The following ZNF793 variants were observed in gnomAD, a reference collection of about 807,000 sequenced individuals.
The protein encoded by ZNF793 is zinc finger protein 793.
A neutral mutation model predicts 12.4 loss-of-function variants in ZNF793; 5 were observed. The ratio of observed to expected loss-of-function variants is 0.40; its 90% CI spans 0.21 to 0.84. ZNF793 has a LOEUF of 0.84. Among genes scored for constraint, ZNF793 ranks in the 40% least tolerant of loss-of-function variants. ZNF793 has a pLI of 0.35. For synonymous variants in ZNF793, 162 were observed against 172.4 expected (o/e 0.94, Z 0.47); for missense variants, 456 against 495.0 (o/e 0.92, Z 0.75).
chr19:37,507,612 T>C (rs1413201882), intron 1 of ZNF793, among the ~76,000 whole-genome samples: 2 of 152,110 alleles, frequency 1.3e-5, no homozygotes, highest in African/African-American at 4.8e-5. Context: ...GATCAGGGAA[T>C]GGAGAATAGA....
Position 37,523,769 on chromosome 19 carries a change from C to T in ZNF793, c.15+315C>T, listed in dbSNP as rs76680808. 6.7e-3 allele frequency among the ~76,000 whole-genome samples: 1,025 copies of T among 152,240 alleles called. 26 individuals are homozygous for T. Among genetic ancestry groups the T allele is most frequent in the East Asian group, 0.051 (261 of 5,158 alleles). On this transcript the variant is annotated intron_variant, in intron 5 of 7. Transcript: ENST00000627814. Reference sequence around the variant, plus strand: ...CAAGGAGGCTTTTATATTCTGAAATCAACTAATCATTGATTGTAGGCTGCC... The same window carrying T: ...CAAGGAGGCTTTTATATTCTGAAATTAACTAATCATTGATTGTAGGCTGCC...
intron 3 of ZNF793, among the ~76,000 whole-genome samples, chr19:37,521,072 C>T (rs900100487): frequency 3.3e-5 from 5 of 151,528 alleles, no homozygotes; most frequent in African/African-American, 9.7e-5. Flanking sequence ...ACTGCAAGCT[C>T]CACCTCCTGG....
At position 37,537,218 on chromosome 19, in the gene ZNF793, C is replaced by A. The variant is rs772926868; in HGVS notation, c.560C>A (p.Pro187His). 1.2e-6 allele frequency: 2 copies of A among 1,613,808 alleles called. No homozygotes were observed. The highest frequency in any genetic ancestry group is 1.1e-5 in the South Asian group (1 of 91,060). The change falls in exon 8 of 8, where the codon CCC (proline) becomes CAC (histidine). Residue 187 changes from proline (P) to histidine (H), a missense_variant. Physicochemically the swap from Pro to His is moderately conservative, Grantham distance 77. Transcript: ENST00000627814. ...NHGRRPNGEKPRGCSHCEKAF... is the reference protein window; with the variant it reads ...NHGRRPNGEKHRGCSHCEKAF... ...GGTAGACGACCTAATGGAGAAAAGC[C>A]CCGGGGTTGCAGTCACTGTGAGAAA... is the stretch of plus-strand genomic sequence containing the variant.
In ZNF793 at chr19:37,508,105, T is replaced by A. The variant is rs539610291; in HGVS notation, c.-414-160T>A. Among the ~76,000 whole-genome samples the A allele has an allele frequency of 2.0e-5, 3 of 152,296 alleles. No homozygotes were observed. The East Asian group carries it at 5.8e-4, about 29-fold the overall frequency. ...TCTCCACCAAGGCCCATCTGAAAAC[T>A]CTTTTTTGAACCCACACCCTTTTTA... On this transcript the variant is annotated intron_variant, in intron 1 of 7. Coordinates refer to ENST00000627814, the MANE Select transcript of ZNF793 (RefSeq NM_001013659.3).
In ZNF793 at chr19:37,537,728, A is replaced by G. The variant is rs1309102785; in HGVS notation, c.1070A>G (p.His357Arg). The G allele has an allele frequency of 1.2e-6, 2 of 1,614,008 alleles. No homozygotes were observed. The highest frequency in any genetic ancestry group is 1.7e-6 in the Non-Finnish European group (2 of 1,180,000). ...AGCCAGAAGTCATGCCTCAATAAACATTGGAGAACTCACACAGGAGAGAAG... is the reference window on the plus strand; with the variant it reads ...AGCCAGAAGTCATGCCTCAATAAACGTTGGAGAACTCACACAGGAGAGAAG... ...SFSQKSCLNK[H>R]WRTHTGEKPY... Residue 357 changes from histidine to arginine, a missense_variant, in exon 8 of 8, where the codon CAT becomes CGT. By Grantham distance (29) the His-to-Arg change is conservative. Coordinates refer to ENST00000627814, the MANE Select transcript of ZNF793 (RefSeq NM_001013659.3).
rs372339543 is a variant in ZNF793, at chr19:37,537,951, A to G, written c.*72A>G. On this transcript the variant is annotated 3_prime_UTR_variant, in exon 8 of 8. Coordinates refer to ENST00000627814, the MANE Select transcript of ZNF793 (RefSeq NM_001013659.3). ...TTTTGAGTTGGAATCTCACTTTGTC[A>G]CCCAGGCTGGAGTGCAGTGGCGCGA... is the stretch of plus-strand genomic sequence containing the variant. The G allele has an allele frequency of 0.013, 18,483 of 1,435,988 alleles. 139 individuals are homozygous for G. The highest frequency in any genetic ancestry group is 0.015 in the Non-Finnish European group (16,611 of 1,098,260). 89.0% of individuals were successfully genotyped at this position (1,435,988 alleles called of 1,614,324 possible).
chr19:37,516,610 CGGA>C, intron 2 of ZNF793, among the ~76,000 whole-genome samples: 2 of 152,120 alleles, frequency 1.3e-5, no homozygotes, highest in Admixed American at 1.3e-4. Context: ...AGAAGAGTGC[CGGA>C]CTGCAGGGCA....
intron 2 of ZNF793, among the ~76,000 whole-genome samples, chr19:37,511,744 C>G (rs1379378342): frequency 6.6e-6 from 1 of 152,164 alleles, no homozygotes; most frequent in Non-Finnish European, 1.5e-5. Flanking sequence ...CTATTATTCT[C>G]CCTGGAAGCC....
At chr19:37,527,687 C>A (rs1451543502) in intron 5 of ZNF793, among the ~76,000 whole-genome samples, 1 of 151,970 alleles carries the variant, frequency 6.6e-6, no homozygotes, top group Non-Finnish European at 1.5e-5. Flanking sequence ...TCCACAAGAC[C>A]CTCACTTCTA....
At chr19:37,510,821 C>T (rs939322635) in intron 2 of ZNF793, among the ~76,000 whole-genome samples, 4 of 151,784 alleles carry the variant, frequency 2.6e-5, no homozygotes, top group African/African-American at 9.7e-5. Flanking sequence ...CTCAGCCTCC[C>T]GAGTAGCTGG....
intron 2 of ZNF793, among the ~76,000 whole-genome samples, chr19:37,517,579 C>T (rs895339679): frequency 1.3e-5 from 2 of 151,988 alleles, no homozygotes; most frequent in Admixed American, 1.3e-4. Flanking sequence ...CCAGGCTAGT[C>T]GGGTCTGTAT....
chr19:37,526,987 G>A (rs531085666), intron 5 of ZNF793, among the ~76,000 whole-genome samples: 73 of 151,980 alleles, frequency 4.8e-4, no homozygotes, highest in African/African-American at 1.7e-3. Context: ...TCGCTCTGTC[G>A]CCCAGGCTGG....
At chr19:37,523,569 G>A in intron 5 of ZNF793, 115 bp downstream of exon 5, 2 of 972,592 alleles carry the variant, frequency 2.1e-6, no homozygotes, top group Non-Finnish European at 3.2e-6. Context: ...GGTTCTCAGG[G>A]AAGCTGACTC....
chr19:37,525,759 T>C (rs942549430), intron 5 of ZNF793, among the ~76,000 whole-genome samples: 2 of 152,200 alleles, frequency 1.3e-5, no homozygotes, highest in Admixed American at 6.6e-5. Flanking sequence ...AGAGGGCTGC[T>C]TCAAGTGTAC....
chr19:37,521,535 A>G (rs577730612), intron 3 of ZNF793, among the ~76,000 whole-genome samples: 119 of 148,226 alleles, frequency 8.0e-4, no homozygotes, highest in Middle Eastern at 3.5e-3. Context: ...TCCCAGGTTC[A>G]AGGGATCAAG....
chr19:37,525,418 G>A (rs371428423), intron 5 of ZNF793, among the ~76,000 whole-genome samples: 24 of 149,542 alleles, frequency 1.6e-4, no homozygotes, highest in Admixed American at 5.3e-4. Context: ...GATTACAGGC[G>A]TGAGCCACCG....
rs1419259137 is a variant in ZNF793, at chr19:37,542,855, G to A, written c.*4976G>A. Reference sequence around the variant, plus strand: ...GTTTATTTGATTTTATGTGCATGAAGAAAAGTATAGAAGAGTATGCATTGA... The same window carrying A: ...GTTTATTTGATTTTATGTGCATGAAAAAAAGTATAGAAGAGTATGCATTGA... On this transcript the variant is annotated 3_prime_UTR_variant, in exon 8 of 8. Coordinates refer to ENST00000627814, the MANE Select transcript of ZNF793 (RefSeq NM_001013659.3). 1.3e-5 allele frequency: 2 copies of A among 154,418 alleles called. No individual in the cohort carries two copies. Among genetic ancestry groups the A allele is most frequent in the Non-Finnish European group, 2.9e-5 (2 of 69,426 alleles). 9.6% of individuals were successfully genotyped at this position (154,418 alleles called of 1,614,324 possible).
chr19:37,511,935 A>G (rs1043637943), intron 2 of ZNF793, among the ~76,000 whole-genome samples: 13 of 152,078 alleles, frequency 8.5e-5, no homozygotes, highest in Admixed American at 7.2e-4. Context: ...ACCTGAATGA[A>G]GTAGCGTGAA....
At chr19:37,533,201 A>G in intron 6 of ZNF793, 107 bp from the exon 7 acceptor site, 1 of 865,022 alleles carries the variant, frequency 1.2e-6, no homozygotes, top group South Asian at 1.6e-5. Flanking sequence ...GTGTGTGTTT[A>G]GTCCCCTCCC....
Sources: allele counts gnomAD v4.1 joint callset (sites outside exome capture counted in the v4.1 genomes callset), GRCh38; gene constraint gnomAD v4.1.1; transcripts MANE v1.5; gene names NCBI Gene and HGNC (gene_info 2026-07-23, HGNC 2026-07-21).